ADGRV1: variants seen among roughly 807,000 people sequenced by gnomAD.
ADGRV1 encodes the protein G-protein coupled receptor 98.
In ADGRV1, 359 loss-of-function variants were observed where a neutral mutation model predicts 596.2. The ratio of observed to expected loss-of-function variants is 0.60; its 90% CI spans 0.55 to 0.66. The LOEUF (loss-of-function observed/expected upper bound fraction) is 0.66. Among genes scored for constraint, ADGRV1 ranks in the 30% least tolerant of loss-of-function variants. The pLI, the probability that ADGRV1 is intolerant of heterozygous loss-of-function variation, is 0.00. For missense variants in ADGRV1, 7,274 were observed against 7,575.6 expected, an observed-to-expected ratio of 0.96 and a Z score of 1.48; for synonymous variants, 2,681 against 2,679.2, an observed-to-expected ratio of 1.00 and a Z score of -0.02.
At chr5:90,573,445 C>A (rs898539253) in intron 1 of ADGRV1, among the ~76,000 whole-genome samples, 3 of 152,116 alleles carry the variant, frequency 2.0e-5, no homozygotes, top group Non-Finnish European at 2.9e-5. Flanking sequence ...ATATGTATAT[C>A]CTATGGCTCC....
chr5:90,736,704 A>G (rs1404922560), intron 50 of ADGRV1, among the ~76,000 whole-genome samples: 7 of 151,836 alleles, frequency 4.6e-5, no homozygotes, highest in Admixed American at 2.6e-4. Flanking sequence ...AGTAGGTGCT[A>G]TGTGTCTAGA....
In ADGRV1 at chr5:90,642,683, A is replaced by G. The variant is rs1162117202; in HGVS notation, c.2288A>G (p.Asp763Gly). The G allele has an allele frequency of 1.7e-5, 28 of 1,613,474 alleles. No homozygotes were observed. Among genetic ancestry groups the G allele is most frequent in the Non-Finnish European group, 2.4e-5 (28 of 1,179,598 alleles). ...QVLKSGYTSRDLIILENDDPG... is the reference protein window; with the variant it reads ...QVLKSGYTSRGLIILENDDPG... ...CTGAAATCTGGATATACTAGCCGTG[A>G]CCTAATTATTTTGGAAAATGATGAC... The change falls in exon 12 of 90, where the codon GAC (aspartate) becomes GGC (glycine). Residue 763 changes from aspartate to glycine, a missense_variant. Transcript: ENST00000405460.
intron 82 of ADGRV1, among the ~76,000 whole-genome samples, chr5:90,856,418 G>A (rs1483535498): frequency 1.3e-5 from 2 of 152,002 alleles, no homozygotes; most frequent in Non-Finnish European, 2.9e-5. Context: ...CCACATCTAG[G>A]CCTCATATTT....
At chr5:90,725,048 T>C in intron 46 of ADGRV1, 38 bp from the exon 47 acceptor site, 2 of 1,534,414 alleles carry the variant, frequency 1.3e-6, no homozygotes, top group Non-Finnish European at 1.8e-6. Flanking sequence ...ATTTTAGATG[T>C]ATAATGAATA....
rs144584210 is a variant in ADGRV1 at position 90,886,786 on chromosome 5, G to A, written c.17856+22929G>A. On this transcript the variant is annotated intron_variant, in intron 83 of 89. Coordinates refer to ENST00000405460, the MANE Select transcript of ADGRV1 (RefSeq NM_032119.4). ...AATAATTGGGGCCATCATTCACAGA[G>A]TTTCTCAAGCATTATTCTTTCCTTG... 7.2e-5 allele frequency among the ~76,000 whole-genome samples: 11 copies of A among 152,282 alleles called. No homozygotes were observed. The South Asian group carries it at 8.3e-4, about 11-fold the overall frequency.
Position 90,811,199 on chromosome 5 carries a change from A to C in ADGRV1, c.15939A>C (p.Ser5313=). The C allele has an allele frequency of 1.2e-6, 2 of 1,613,592 alleles. No individual in the cohort carries two copies. Among genetic ancestry groups the C allele is most frequent in the Non-Finnish European group, 1.7e-6 (2 of 1,179,672 alleles). The change falls in exon 74 of 90, where the codon TCA becomes TCC. Residue 5313 remains serine, a synonymous_variant. Coordinates refer to ENST00000405460, the MANE Select transcript of ADGRV1 (RefSeq NM_032119.4). ...ATGGAGAAAGAGAACGTAAAGTATCAGTTCAAATTTTGGATGATGATGAGC... is the reference window on the plus strand; with the variant it reads ...ATGGAGAAAGAGAACGTAAAGTATCCGTTCAAATTTTGGATGATGATGAGC... ...FLDGERERKV[S]VQILDDDEPE...
At chr5:90,898,520 C>T (rs1771532575) in intron 83 of ADGRV1, among the ~76,000 whole-genome samples, 1 of 152,184 alleles carries the variant, frequency 6.6e-6, no homozygotes, top group Non-Finnish European at 1.5e-5. Context: ...GCTCTATCCT[C>T]ACTTTCATAG....
chr5:90,590,446 C>T (rs1449090125), intron 1 of ADGRV1, among the ~76,000 whole-genome samples: 1 of 152,168 alleles, frequency 6.6e-6, no homozygotes, highest in Non-Finnish European at 1.5e-5. Context: ...TTCCATATAG[C>T]CATTCCATGT....
chr5:90,794,481 A>T (rs1016231746), intron 70 of ADGRV1, among the ~76,000 whole-genome samples: 2 of 152,214 alleles, frequency 1.3e-5, no homozygotes, highest in Admixed American at 6.5e-5. Context: ...AGCACTTATT[A>T]TGTGCCAATC....
At chr5:91,147,277 C>T (rs1795626688) in intron 87 of ADGRV1, among the ~76,000 whole-genome samples, 1 of 151,176 alleles carries the variant, frequency 6.6e-6, no homozygotes, top group Non-Finnish European at 1.5e-5. Context: ...GCCATGGTCT[C>T]TTGCTAGATT....
At chr5:90,566,586 A>T (rs1168254073) in intron 1 of ADGRV1, among the ~76,000 whole-genome samples, 1 of 151,994 alleles carries the variant, frequency 6.6e-6, no homozygotes, top group Non-Finnish European at 1.5e-5. Context: ...TTGTTTTATT[A>T]ATTATGTTGT....
intron 83 of ADGRV1, among the ~76,000 whole-genome samples, chr5:90,896,061 G>A (rs1449372566): frequency 6.6e-6 from 1 of 151,428 alleles, no homozygotes; most frequent in Non-Finnish European, 1.5e-5. Flanking sequence ...AAGCTAACTG[G>A]ATTTCACTGT....
In ADGRV1 at chr5:90,774,229, C is replaced by A; in HGVS notation, c.12329C>A (p.Thr4110Lys). The change falls in exon 60 of 90, where the codon ACA becomes AAA. Residue 4110 changes from threonine (T) to lysine (K), a missense_variant. By Grantham distance (78) the Thr-to-Lys change is moderately conservative. Around this residue, in one of 5 missense-constraint regions of ADGRV1, gnomAD observed 3,643 missense variants for 3,809.2 expected, o/e 0.96. Transcript: ENST00000405460. ...KTIVLHTLQD[T>K]VLEEDRRFTI... ...ATTGTGTTGCACACACTTCAAGACA[C>A]AGTGTTGGAGGAGGACAGGCGTTTC... 6.2e-7 allele frequency: 1 copy of A among 1,611,028 alleles called. No homozygotes were observed.
rs781590701 is a variant in ADGRV1 at position 91,102,208 on chromosome 5, T to A, written c.18311-11T>A. 2.5e-6 allele frequency: 4 copies of A among 1,599,742 alleles called. No individual in the cohort carries two copies. Among genetic ancestry groups the A allele is most frequent in the Non-Finnish European group, 3.4e-6 (4 of 1,172,668 alleles). On this transcript the variant is annotated splice_polypyrimidine_tract_variant and intron_variant, in intron 86 of 89. Coordinates refer to ENST00000405460, the MANE Select transcript of ADGRV1 (RefSeq NM_032119.4). ...TCTGAAGCTCAAAAATTCTTTTTTT[T>A]TTATTTCTAGAAATTCCACTGATTT...
intron 83 of ADGRV1, among the ~76,000 whole-genome samples, chr5:90,904,045 A>G (rs964421512): frequency 6.6e-6 from 1 of 152,006 alleles, no homozygotes; most frequent in Non-Finnish European, 1.5e-5. Flanking sequence ...GGCTTATTTC[A>G]CTTAACATAG....
intron 83 of ADGRV1, among the ~76,000 whole-genome samples, chr5:90,961,508 G>GT (rs1554178865): frequency 2.5e-5 from 1 of 39,778 alleles, no homozygotes; most frequent in South Asian, 6.1e-4. Context: ...AAAAAAAAAA[G>GT]GGGGGGTGGC....
intron 87 of ADGRV1, among the ~76,000 whole-genome samples, chr5:91,122,043 T>C (rs1793364603): frequency 6.6e-6 from 1 of 152,022 alleles, no homozygotes; most frequent in Non-Finnish European, 1.5e-5. Context: ...TAAAAATAAA[T>C]CTAAAAATGT....
At chr5:90,701,361 A>G (rs1430857071) in intron 34 of ADGRV1, among the ~76,000 whole-genome samples, 1 of 152,022 alleles carries the variant, frequency 6.6e-6, no homozygotes, top group East Asian at 1.9e-4. Flanking sequence ...TATCTTTCTG[A>G]TATGTCCAGT....
chr5:91,026,925 TGA>T (rs1784059434), intron 85 of ADGRV1, among the ~76,000 whole-genome samples: 1 of 151,920 alleles, frequency 6.6e-6, no homozygotes, highest in Non-Finnish European at 1.5e-5. Context: ...GCAGATCACT[TGA>T]GGCCAGGAGT....
Sources: allele counts gnomAD v4.1 joint callset (sites outside exome capture counted in the v4.1 genomes callset), GRCh38; gene constraint gnomAD v4.1.1; regional missense constraint gnomAD v4.1.1; transcripts MANE v1.5; gene names NCBI Gene and HGNC (gene_info 2026-07-23, HGNC 2026-07-21).